The following CSMD1 variants were observed in gnomAD, a reference collection of about 807,000 sequenced individuals.
The protein encoded by CSMD1 is CUB and sushi domain-containing protein 1.
CSMD1 carries 213 observed loss-of-function variants against 417.5 expected under a neutral mutation model. The observed-to-expected ratio is 0.51, with a 90% CI of 0.46 to 0.57. CSMD1 has a LOEUF of 0.57. CSMD1 is among the 20% of genes least tolerant of loss of function. The probability of loss-of-function intolerance (pLI) is 0.00; values close to 1 mark genes in which losing one functional copy is unlikely to be tolerated. For synonymous variants in CSMD1, 2,862 were observed against 1,736.8 expected (o/e 1.65, Z -16.11); for missense variants, 6,923 against 4,529.7 (o/e 1.53, Z -15.17).
intron 10 of CSMD1, among the ~76,000 whole-genome samples, chr8:3,505,528 G>C (rs1376729982): frequency 6.6e-6 from 1 of 152,164 alleles, no homozygotes; most frequent in Admixed American, 6.5e-5. Flanking sequence ...AAATAAAGCT[G>C]TATGACAATA....
chr8:4,159,214 C>A (rs1349616845), intron 3 of CSMD1, among the ~76,000 whole-genome samples: 1 of 152,154 alleles, frequency 6.6e-6, no homozygotes, highest in Non-Finnish European at 1.5e-5. Context: ...CCGTGCCCAG[C>A]CCGTAATTCT....
chr8:4,556,806 G>A (rs924458612), intron 2 of CSMD1, among the ~76,000 whole-genome samples: 2 of 152,146 alleles, frequency 1.3e-5, no homozygotes, highest in African/African-American at 4.8e-5. Context: ...CTGACATAAA[G>A]CTCAAATCAA....
At chr8:4,869,472 C>G (rs1031268949) in intron 1 of CSMD1, among the ~76,000 whole-genome samples, 1 of 151,930 alleles carries the variant, frequency 6.6e-6, no homozygotes, top group Non-Finnish European at 1.5e-5. Context: ...TGCAACCAGA[C>G]TATATAATGC....
intron 2 of CSMD1, among the ~76,000 whole-genome samples, chr8:4,517,975 C>A (rs1803215772): frequency 6.6e-6 from 1 of 152,056 alleles, no homozygotes; most frequent in Non-Finnish European, 1.5e-5. Context: ...AATTCTAAAC[C>A]TGTTCTATTC....
At chr8:4,442,471 C>G (rs1382518854) in intron 2 of CSMD1, among the ~76,000 whole-genome samples, 2 of 152,262 alleles carry the variant, frequency 1.3e-5, no homozygotes, top group South Asian at 2.1e-4. Context: ...TGCTTATCTA[C>G]AAGCATATTA....
chr8:4,330,521 C>G (rs1799808421), intron 3 of CSMD1, among the ~76,000 whole-genome samples: 1 of 150,416 alleles, frequency 6.6e-6, no homozygotes, highest in African/African-American at 2.4e-5. Context: ...ACCGAGGAGG[C>G]AGAGGTTACA....
chr8:4,205,255 T>C (rs190288400), intron 3 of CSMD1, among the ~76,000 whole-genome samples: 4 of 152,352 alleles, frequency 2.6e-5, no homozygotes, highest in African/African-American at 7.2e-5. Context: ...CATTATATCA[T>C]ATTTTTGCTG....
At chr8:4,788,376 G>A in intron 1 of CSMD1, 2 of 1,440,934 alleles carry the variant, frequency 1.4e-6, no homozygotes, top group East Asian at 2.3e-5. Context: ...CCTCACACCA[G>A]ACTGGGGAGC....
chr8:3,238,620 G>T (rs1012816385), intron 26 of CSMD1, among the ~76,000 whole-genome samples: 10 of 151,976 alleles, frequency 6.6e-5, no homozygotes, highest in Non-Finnish European at 1.5e-4. Context: ...GTTGTTAGAA[G>T]AAACATTTGT....
chr8:4,281,731 C>A (rs1796795426), intron 3 of CSMD1, among the ~76,000 whole-genome samples: 2 of 152,072 alleles, frequency 1.3e-5, no homozygotes, highest in Non-Finnish European at 1.5e-5. Flanking sequence ...TAAACGGAAT[C>A]AATGTAATGT....
intron 47 of CSMD1, among the ~76,000 whole-genome samples, chr8:3,092,919 C>G (rs1046431121): frequency 6.6e-6 from 1 of 152,138 alleles, no homozygotes; most frequent in Non-Finnish European, 1.5e-5. Context: ...GTTCATAATA[C>G]AAATGCTATG....
At chr8:4,065,115 A>T (rs866094560) in intron 3 of CSMD1, among the ~76,000 whole-genome samples, 10 of 152,346 alleles carry the variant, frequency 6.6e-5, no homozygotes, top group Middle Eastern at 6.8e-3. Flanking sequence ...GTCATTTTCT[A>T]GTTTATGTTT....
intron 3 of CSMD1, among the ~76,000 whole-genome samples, chr8:4,355,323 A>G (rs1221442010): frequency 1.0e-4 from 11 of 106,196 alleles, no homozygotes; most frequent in East Asian, 3.2e-4. Flanking sequence ...ACACACACAC[A>G]CGCACACACA....
At chr8:4,135,141 C>G (rs1358817205) in intron 3 of CSMD1, among the ~76,000 whole-genome samples, 1 of 152,148 alleles carries the variant, frequency 6.6e-6, no homozygotes, top group Non-Finnish European at 1.5e-5. Flanking sequence ...AAAATATTGT[C>G]ATATTCTGGT....
At chr8:3,892,225 C>T (rs1263719496) in intron 5 of CSMD1, among the ~76,000 whole-genome samples, 5 of 152,142 alleles carry the variant, frequency 3.3e-5, no homozygotes, top group Non-Finnish European at 5.9e-5. Flanking sequence ...AATTAAAGTG[C>T]TGAGGTCAAG....
chr8:3,120,619 C>A (rs907631089), intron 41 of CSMD1, among the ~76,000 whole-genome samples: 1 of 151,672 alleles, frequency 6.6e-6, no homozygotes, highest in Non-Finnish European at 1.5e-5. Flanking sequence ...GAGGCCGAAG[C>A]GGGTGGATCA....
chr8:3,375,646 G>C (rs559547855), intron 18 of CSMD1, among the ~76,000 whole-genome samples: 1 of 152,204 alleles, frequency 6.6e-6, no homozygotes, highest in South Asian at 2.1e-4. Context: ...ACCCCCAGTA[G>C]GAAGGAGGGG....
At chr8:3,532,557 G>C (rs765309783) in intron 10 of CSMD1, among the ~76,000 whole-genome samples, 2 of 152,082 alleles carry the variant, frequency 1.3e-5, no homozygotes, top group Non-Finnish European at 2.9e-5. Flanking sequence ...AATGGACGTA[G>C]GTTCAACACA....
At chr8:4,276,791 A>T (rs1208271133) in intron 3 of CSMD1, among the ~76,000 whole-genome samples, 1 of 152,186 alleles carries the variant, frequency 6.6e-6, no homozygotes, top group Admixed American at 6.5e-5. Context: ...AAAGAAAAAT[A>T]GAACAGTGGT....
Sources: allele counts gnomAD v4.1 joint callset (sites outside exome capture counted in the v4.1 genomes callset), GRCh38; gene constraint gnomAD v4.1.1; transcripts MANE v1.5; gene names NCBI Gene and HGNC (gene_info 2026-07-23, HGNC 2026-07-21).